CSRNP3: variants seen among roughly 807,000 people sequenced by gnomAD.
CSRNP3 encodes the protein cysteine and serine rich nuclear protein 3.
A neutral mutation model predicts 48.0 loss-of-function variants in CSRNP3; 12 were observed. The observed-to-expected ratio is 0.25, with a 90% CI of 0.16 to 0.41. The LOEUF (loss-of-function observed/expected upper bound fraction) is 0.41. Ranked by LOEUF, CSRNP3 falls within the 10% of genes least tolerant of loss-of-function variation. CSRNP3 has a pLI of 1.00. For missense variants in CSRNP3, 580 were observed against 724.4 expected (o/e 0.80, Z 2.29); for synonymous variants, 263 against 269.7 (o/e 0.98, Z 0.24).
intron 3 of CSRNP3, among the ~76,000 whole-genome samples, chr2:165,560,641 T>C (rs1289746337): frequency 6.6e-6 from 1 of 152,200 alleles, no homozygotes; most frequent in African/African-American, 2.4e-5. Flanking sequence ...TGCAGTTTTG[T>C]AGCATTTGCT....
intron 5 of CSRNP3, among the ~76,000 whole-genome samples, chr2:165,671,903 G>C (rs534015686): frequency 1.6e-4 from 25 of 151,966 alleles, no homozygotes; most frequent in Non-Finnish European, 1.9e-4. Context: ...CATATCTCTA[G>C]AGCGGGGAAA....
At chr2:165,654,592 G>T (rs1359563344) in intron 4 of CSRNP3, among the ~76,000 whole-genome samples, 1 of 152,032 alleles carries the variant, frequency 6.6e-6, no homozygotes, top group Non-Finnish European at 1.5e-5. Flanking sequence ...GCTCCACACA[G>T]GCAGGGATCA....
rs1282913534 is a variant in CSRNP3 at position 165,689,067 on chromosome 2, A to G, written c.*9314A>G. 1 of 151,840 alleles carries G rather than the reference A, an allele frequency of 6.6e-6. No individual in the cohort carries two copies. Among genetic ancestry groups the G allele is most frequent in the Admixed American group, 6.6e-5 (1 of 15,250 alleles). The allele number at this position is 151,840 out of a possible 1,614,324, so 9.4% of individuals were successfully genotyped here. A position where few individuals can be genotyped will look rare whatever the true frequency, so the allele number is the denominator to read the frequency against. On this transcript the variant is annotated 3_prime_UTR_variant, in exon 7 of 7. Coordinates refer to ENST00000651982, the MANE Select transcript of CSRNP3 (RefSeq NM_001172173.2). ...GTTTCTAGATTGATTTCTCTTGTGTATAAGTTATAACATCAAAAATGCCAA... is the reference window on the plus strand; with the variant it reads ...GTTTCTAGATTGATTTCTCTTGTGTGTAAGTTATAACATCAAAAATGCCAA...
chr2:165,491,951 A>T lies in CSRNP3; in HGVS notation c.-282-2808A>T, dbSNP rs1288437270. ...TGTACCCTAAAACTTAAAGTATAAT[A>T]AAAAAAAAAAAAAAAACAAAGCTAG... On this transcript the variant is annotated intron_variant, in intron 1 of 6. Transcript: ENST00000651982. Among the ~76,000 whole-genome samples, 278 of 79,586 alleles carry T rather than the reference A, an allele frequency of 3.5e-3. 3 individuals carry two copies. Among genetic ancestry groups the T allele is most frequent in the Non-Finnish European group, 4.2e-3 (156 of 37,048 alleles). The allele number at this position is 79,586 out of a possible 152,430, so 52.2% of individuals were successfully genotyped here.
intron 3 of CSRNP3, among the ~76,000 whole-genome samples, chr2:165,537,850 G>A (rs898076895): frequency 1.3e-5 from 2 of 151,582 alleles, no homozygotes; most frequent in Non-Finnish European, 2.9e-5. Context: ...TTTACCACTT[G>A]CCTTCCATTT....
At chr2:165,671,745 C>T (rs934227249) in intron 5 of CSRNP3, among the ~76,000 whole-genome samples, 12 of 152,272 alleles carry the variant, frequency 7.9e-5, no homozygotes, top group Middle Eastern at 3.4e-3. Context: ...CTTGATTTCT[C>T]CCCAGGAAAT....
At chr2:165,604,946 A>G (rs550567474) in intron 4 of CSRNP3, among the ~76,000 whole-genome samples, 2 of 152,098 alleles carry the variant, frequency 1.3e-5, no homozygotes, top group African/African-American at 2.4e-5. Context: ...GTCTTCTTAT[A>G]TATTTGCTTT....
At chr2:165,575,570 A>G (rs964928068) in intron 3 of CSRNP3, among the ~76,000 whole-genome samples, 7 of 152,126 alleles carry the variant, frequency 4.6e-5, no homozygotes, top group African/African-American at 1.7e-4. Context: ...GAGCTAGTAC[A>G]TATTTAGTTA....
intron 4 of CSRNP3, among the ~76,000 whole-genome samples, chr2:165,643,999 G>T (rs1001984541): frequency 6.6e-6 from 1 of 152,190 alleles, no homozygotes; most frequent in South Asian, 2.1e-4. Context: ...ATTCAGTCAT[G>T]TGTTTTTGCT....
intron 3 of CSRNP3, among the ~76,000 whole-genome samples, chr2:165,583,400 G>A (rs1462773285): frequency 1.3e-5 from 2 of 152,160 alleles, no homozygotes; most frequent in Non-Finnish European, 2.9e-5. Flanking sequence ...CAACATGCAT[G>A]TGCACTTTTT....
intron 1 of CSRNP3, among the ~76,000 whole-genome samples, chr2:165,479,898 A>AG (rs1346447205): frequency 6.6e-6 from 1 of 151,620 alleles, no homozygotes; most frequent in Admixed American, 6.6e-5. Context: ...AAAAAAAAAA[A>AG]TAGTCCTGCA....
chr2:165,667,821 C>T (rs969291550), intron 5 of CSRNP3, among the ~76,000 whole-genome samples: 1 of 152,210 alleles, frequency 6.6e-6, no homozygotes, highest in Non-Finnish European at 1.5e-5. Context: ...ATATTTTGTG[C>T]TCTTACAACA....
chr2:165,502,558 A>G (rs1411440851), intron 2 of CSRNP3, among the ~76,000 whole-genome samples: 2 of 152,042 alleles, frequency 1.3e-5, no homozygotes, highest in Admixed American at 6.6e-5. Flanking sequence ...TCATAGTTAA[A>G]AGGGTATTGT....
chr2:165,484,527 C>T (rs1318534947), intron 1 of CSRNP3, among the ~76,000 whole-genome samples: 1 of 152,224 alleles, frequency 6.6e-6, no homozygotes, highest in East Asian at 1.9e-4. Context: ...GTCATCTGTA[C>T]TTCCCCCTGT....
chr2:165,587,327 A>C (rs1461737248), intron 3 of CSRNP3, among the ~76,000 whole-genome samples: 1 of 152,224 alleles, frequency 6.6e-6, no homozygotes, highest in Non-Finnish European at 1.5e-5. Context: ...CATGGATTAT[A>C]CTGATAAATG....
intron 3 of CSRNP3, among the ~76,000 whole-genome samples, chr2:165,579,812 T>A (rs1164053849): frequency 6.6e-6 from 1 of 152,132 alleles, no homozygotes; most frequent in Non-Finnish European, 1.5e-5. Flanking sequence ...AAAATATATC[T>A]ACATTTTTAC....
chr2:165,626,520 C>T (rs894173942), intron 4 of CSRNP3, among the ~76,000 whole-genome samples: 2 of 152,158 alleles, frequency 1.3e-5, no homozygotes, highest in Non-Finnish European at 2.9e-5. Context: ...GCTAACATTC[C>T]GTATTTCCTT....
chr2:165,587,977 C>G (rs1330432192), intron 3 of CSRNP3, among the ~76,000 whole-genome samples: 1 of 152,022 alleles, frequency 6.6e-6, no homozygotes, highest in Non-Finnish European at 1.5e-5. Flanking sequence ...ATTGAGGCAC[C>G]TATTATATAC....
At chr2:165,506,759 A>T (rs554881718) in intron 2 of CSRNP3, among the ~76,000 whole-genome samples, 1 of 152,182 alleles carries the variant, frequency 6.6e-6, no homozygotes, top group South Asian at 2.1e-4. Context: ...CCCGTCACGA[A>T]CTCTATTTTC....
Sources: gnomAD v4.1 joint callset for allele counts (sites outside exome capture counted in the v4.1 genomes callset) on GRCh38, gnomAD v4.1.1 for gene constraint, MANE v1.5 for transcripts, NCBI Gene and HGNC (gene_info 2026-07-23, HGNC 2026-07-21) for gene names.